NSD1: variants seen among roughly 807,000 people sequenced by gnomAD.
NSD1 encodes nuclear receptor binding SET domain protein 1, also known as histone-lysine N-methyltransferase, H3 lysine-36 specific.
NSD1 carries 26 observed loss-of-function variants against 242.7 expected under a neutral mutation model. The ratio of observed to expected loss-of-function variants is 0.11; its 90% CI spans 0.08 to 0.15. The LOEUF (loss-of-function observed/expected upper bound fraction) is 0.15. NSD1 is among the 10% of genes least tolerant of loss of function. The pLI, the probability that NSD1 is intolerant of heterozygous loss-of-function variation, is 1.00. For missense variants in NSD1, 2,495 were observed against 3,272.8 expected, an observed-to-expected ratio of 0.76 and a Z score of 5.80; for synonymous variants, 1,106 against 1,178.1, an observed-to-expected ratio of 0.94 and a Z score of 1.25.
chr5:177,265,423 C>T (rs1029044858), intron 14 of NSD1: 4 of 604,400 alleles, frequency 6.6e-6, no homozygotes, highest in Admixed American at 3.0e-5. Flanking sequence ...TTATGAAAAA[C>T]AGTCATGATG....
intron 2 of NSD1, among the ~76,000 whole-genome samples, chr5:177,168,554 G>A (rs1759406494): frequency 6.6e-6 from 1 of 151,554 alleles, no homozygotes; most frequent in African/African-American, 2.4e-5. Context: ...CTGCCTCCCG[G>A]GTTCAAGTGA....
intron 14 of NSD1, chr5:177,266,314 C>T (rs910771176): frequency 1.7e-5 from 12 of 725,450 alleles, no homozygotes; most frequent in Admixed American, 3.6e-5. Context: ...CAATCTTCAC[C>T]GCATAATCAG....
chr5:177,208,487 CT>C (rs1763070532), intron 4 of NSD1, among the ~76,000 whole-genome samples: 2 of 149,650 alleles, frequency 1.3e-5, no homozygotes, highest in Non-Finnish European at 3.0e-5. Context: ...ACCTTTTTTT[CT>C]TTTTCTTTTT....
At chr5:177,218,499 G>GA (rs1252194086) in intron 5 of NSD1, among the ~76,000 whole-genome samples, 27 of 150,790 alleles carry the variant, frequency 1.8e-4, no homozygotes, top group African/African-American at 6.6e-4. Context: ...GTATTCTGTT[G>GA]ATTTTTTTTT....
intron 2 of NSD1, among the ~76,000 whole-genome samples, chr5:177,174,544 G>A (rs1331329962): frequency 6.6e-6 from 1 of 151,098 alleles, no homozygotes; most frequent in Non-Finnish European, 1.5e-5. Context: ...ATGCACCATT[G>A]CCCAAAATAC....
chr5:177,205,199 G>T (rs2149837420), intron 4 of NSD1, among the ~76,000 whole-genome samples: 1 of 152,072 alleles, frequency 6.6e-6, no homozygotes, highest in East Asian at 1.9e-4. Flanking sequence ...ACCACACCTG[G>T]CTAATTTTTG....
At chr5:177,140,227 C>T in intron 2 of NSD1, among the ~76,000 whole-genome samples, 1 of 152,126 alleles carries the variant, frequency 6.6e-6, no homozygotes, top group African/African-American at 2.4e-5. Context: ...TAATTCTTCC[C>T]AGTGTACAAA....
Position 177,282,518 on chromosome 5 carries a change from A to G in NSD1, c.5946A>G (p.Arg1982=). 6.2e-7 allele frequency: 1 copy of G among 1,614,008 alleles called. No individual in the cohort carries two copies. The highest frequency in any genetic ancestry group is 1.1e-5 in the South Asian group (1 of 91,078). ...VGELIDEEEC[R]ARIRYAQEHD... is the part of the protein sequence containing the mutation. The stretch of plus-strand genomic sequence containing the variant: ...AGCTTATAGATGAAGAAGAATGCAG[A>G]GCTCGAATTCGCTATGCTCAAGAAC... Residue 1982 remains arginine (R), a synonymous_variant, in exon 19 of 23, where the codon AGA becomes AGG. Coordinates refer to ENST00000439151, the MANE Select transcript of NSD1 (RefSeq NM_022455.5).
chr5:177,157,393 A>G lies in NSD1; in HGVS notation c.927+21363A>G, dbSNP rs1000777750. On this transcript the variant is annotated intron_variant, in intron 2 of 22. Transcript: ENST00000439151. ...AAGAAAAAAAAAATATATAATTCAC[A>G]TAAGATAAAATTCACCCTCTTTGGC... Among the ~76,000 whole-genome samples the G allele has an allele frequency of 5.9e-5, 9 of 151,830 alleles. No homozygotes were observed. The East Asian group carries it at 1.6e-3, about 26-fold the overall frequency.
chr5:177,146,532 A>T (rs1359813490), intron 2 of NSD1, among the ~76,000 whole-genome samples: 1 of 151,996 alleles, frequency 6.6e-6, no homozygotes, highest in Non-Finnish European at 1.5e-5. Flanking sequence ...ACGTTCATGT[A>T]ATTTATCCAT....
At chr5:177,168,362 A>G (rs570820962) in intron 2 of NSD1, among the ~76,000 whole-genome samples, 1 of 151,496 alleles carries the variant, frequency 6.6e-6, no homozygotes, top group South Asian at 2.1e-4. Context: ...GCCCTGTTGT[A>G]ATTTGAGAAG....
intron 5 of NSD1, among the ~76,000 whole-genome samples, chr5:177,215,136 A>G (rs991765161): frequency 5.9e-5 from 9 of 151,996 alleles, no homozygotes; most frequent in South Asian, 2.1e-4. Context: ...GAGTAATGCT[A>G]CAGTGAACAT....
intron 5 of NSD1, among the ~76,000 whole-genome samples, chr5:177,213,723 C>G (rs1250762228): frequency 1.3e-5 from 2 of 152,066 alleles, no homozygotes; most frequent in Non-Finnish European, 2.9e-5. Context: ...CGCCCGCCTC[C>G]ACCTCCCAAA....
chr5:177,155,278 C>A (rs568368324), intron 2 of NSD1, among the ~76,000 whole-genome samples: 2 of 151,786 alleles, frequency 1.3e-5, no homozygotes, highest in Non-Finnish European at 2.9e-5. Flanking sequence ...CGTTAGCCAC[C>A]GCGCCTGGCC....
intron 2 of NSD1, among the ~76,000 whole-genome samples, chr5:177,178,051 C>T (rs891856949): frequency 3.3e-5 from 5 of 151,610 alleles, no homozygotes; most frequent in Admixed American, 6.6e-5. Context: ...TGCGCTGCCA[C>T]GCCTGGCTAA....
chr5:177,185,890 T>C (rs1206006682), intron 2 of NSD1, among the ~76,000 whole-genome samples: 1 of 84,352 alleles, frequency 1.2e-5, no homozygotes, highest in Non-Finnish European at 2.0e-5. Context: ...ATATATAATA[T>C]ATTTATATAT....
At position 177,211,467 on chromosome 5, in the gene NSD1, G is replaced by T. The variant is rs756022347; in HGVS notation, c.3068G>T (p.Arg1023Leu). 2 of 1,614,112 alleles carry T rather than the reference G, an allele frequency of 1.2e-6. No homozygotes were observed. Among genetic ancestry groups the T allele is most frequent in the South Asian group, 1.1e-5 (1 of 91,074 alleles). Reference sequence around the variant, plus strand: ...TGTGTTACTAGGCGCAACTGTGGACGATCAAAGCCTTCATCCAAATTGCGA... The same window carrying T: ...TGTGTTACTAGGCGCAACTGTGGACTATCAAAGCCTTCATCCAAATTGCGA... ...SDCVTRRNCG[R>L]SKPSSKLRDA... The change falls in exon 5 of 23, where the codon CGA becomes CTA. Residue 1023 changes from arginine (R) to leucine (L), a missense_variant. Physicochemically the swap from Arg to Leu is moderately radical, Grantham distance 102 (BLOSUM62 -2). Transcript: ENST00000439151.
chr5:177,192,030 C>T lies in NSD1; in HGVS notation c.1063+11C>T. 1.9e-6 allele frequency: 3 copies of T among 1,613,368 alleles called. No individual in the cohort carries two copies. Among genetic ancestry groups the T allele is most frequent in the Non-Finnish European group, 2.5e-6 (3 of 1,179,420 alleles). On this transcript the variant is annotated intron_variant, in intron 3 of 22. Transcript: ENST00000439151. ...ATTCAAAAATGAAAGGTAATACTTGCAGTGATTATACATGTTAAAGGCAGT... is the reference window on the plus strand; with the variant it reads ...ATTCAAAAATGAAAGGTAATACTTGTAGTGATTATACATGTTAAAGGCAGT...
chr5:177,251,945 A>G, intron 12 of NSD1, 92 bp downstream of exon 12: 1 of 1,490,786 alleles, frequency 6.7e-7, no homozygotes, highest in Non-Finnish European at 9.3e-7. Context: ...ATTTTGTGGC[A>G]ACACTGGGCT....
Sources: gnomAD v4.1 joint callset for allele counts (sites outside exome capture counted in the v4.1 genomes callset) on GRCh38, gnomAD v4.1.1 for gene constraint, MANE v1.5 for transcripts, NCBI Gene and HGNC (gene_info 2026-07-23, HGNC 2026-07-21) for gene names.